ATP2C1: variants seen among roughly 807,000 people sequenced by gnomAD.
The protein encoded by ATP2C1 is ATPase secretory pathway Ca2+ transporting 1, also known as calcium-transporting ATPase type 2C member 1.
In ATP2C1, 31 loss-of-function variants were observed where a neutral mutation model predicts 120.5. That is an observed-to-expected ratio of 0.26 (90% confidence interval 0.19 to 0.35). ATP2C1 has a LOEUF of 0.35. Among genes scored for constraint, ATP2C1 ranks in the 10% least tolerant of loss-of-function variants. ATP2C1 has a pLI of 1.00. For synonymous variants in ATP2C1, 351 were observed against 358.7 expected, an observed-to-expected ratio of 0.98 and a Z score of 0.24; for missense variants, 731 against 1,107.5, an observed-to-expected ratio of 0.66 and a Z score of 4.83.
chr3:130,930,349 A>G (rs1193972786), intron 2 of ATP2C1, 67 bp from the exon 3 acceptor site: 1 of 1,023,156 alleles, frequency 9.8e-7, no homozygotes, highest in Non-Finnish European at 1.5e-6. Flanking sequence ...TTGGATTTTT[A>G]TTATTCTAGA....
downstream of ATP2C1, among the ~76,000 whole-genome samples, chr3:131,006,602 CAAGAAT>C (rs2063121351): frequency 1.3e-5 from 2 of 151,006 alleles, no homozygotes. Flanking sequence ...GAAATGCCAA[CAAGAAT>C]AACCTTTCCA....
intron 18 of ATP2C1, among the ~76,000 whole-genome samples, chr3:130,977,153 G>A (rs1052393520): frequency 4.6e-5 from 7 of 152,118 alleles, no homozygotes; most frequent in African/African-American, 1.7e-4. Context: ...ATTAGGGTTT[G>A]GATTGATAAA....
chr3:130,979,449 G>T, intron 19 of ATP2C1, 30 bp downstream of exon 19: 1 of 1,608,926 alleles, frequency 6.2e-7, no homozygotes, highest in South Asian at 1.1e-5. Flanking sequence ...TTTTGTTTTC[G>T]ATAGTTTTTC....
At chr3:130,923,978 C>A (rs1473003122) in intron 2 of ATP2C1, among the ~76,000 whole-genome samples, 1 of 151,478 alleles carries the variant, frequency 6.6e-6, no homozygotes, top group Non-Finnish European at 1.5e-5. Flanking sequence ...TTAGGTGAGT[C>A]TCTTGATGAC....
chr3:130,906,418 A>G (rs1026655039), intron 2 of ATP2C1, among the ~76,000 whole-genome samples: 2 of 152,118 alleles, frequency 1.3e-5, no homozygotes, highest in African/African-American at 4.8e-5. Flanking sequence ...ATGGATATAC[A>G]CATTTTGTTT....
intron 20 of ATP2C1, among the ~76,000 whole-genome samples, chr3:130,983,948 A>G (rs2061886458): frequency 6.6e-6 from 1 of 152,174 alleles, no homozygotes; most frequent in East Asian, 1.9e-4. Context: ...TTTGGCAATT[A>G]TATATAAAGC....
chr3:130,920,527 C>A, intron 2 of ATP2C1, among the ~76,000 whole-genome samples: 1 of 152,078 alleles, frequency 6.6e-6, no homozygotes, highest in East Asian at 1.9e-4. Flanking sequence ...GTTCTTGTGG[C>A]TCTATATGTC....
intron 1 of ATP2C1, among the ~76,000 whole-genome samples, chr3:130,872,417 T>C (rs1413631188): frequency 6.6e-6 from 1 of 152,192 alleles, no homozygotes; most frequent in Non-Finnish European, 1.5e-5. Flanking sequence ...TGTTGATTTT[T>C]CAATAGATCA....
intron 1 of ATP2C1, among the ~76,000 whole-genome samples, chr3:130,851,780 G>A (rs1173651537): frequency 6.6e-6 from 1 of 152,158 alleles, no homozygotes; most frequent in Non-Finnish European, 1.5e-5. Context: ...CCATACCAAA[G>A]ACCCAGCAGT....
At chr3:131,016,583 C>A (rs1030952674) in exon 27 of ATP2C1, 4 of 525,096 alleles carry the variant, frequency 7.6e-6, no homozygotes, top group African/African-American at 1.9e-5. Flanking sequence ...GAAATAAGAT[C>A]TTTTCCACTG....
chr3:130,997,570 A>T (rs755960257), intron 24 of ATP2C1, 36 bp from the exon 25 acceptor site: 1 of 1,603,742 alleles, frequency 6.2e-7, no homozygotes, highest in Non-Finnish European at 8.5e-7. Flanking sequence ...AGACCTTAAA[A>T]CTTGAAAGTA....
At chr3:130,852,399 A>C (rs2067702862) in intron 1 of ATP2C1, among the ~76,000 whole-genome samples, 1 of 151,638 alleles carries the variant, frequency 6.6e-6, no homozygotes, top group South Asian at 2.1e-4. Context: ...GTGTAGTTCT[A>C]TGGTTCTTTG....
At chr3:131,005,109 CT>C (rs35129703), downstream of ATP2C1, among the ~76,000 whole-genome samples, 5,663 of 92,588 alleles carry the variant, frequency 0.061, 308 homozygotes, top group African/African-American at 0.22. Flanking sequence ...TTTGAATTGT[CT>C]TTTTTTTTTT....
At chr3:130,937,018 A>G (rs868662313) in intron 5 of ATP2C1, among the ~76,000 whole-genome samples, 76 of 151,956 alleles carry the variant, frequency 5.0e-4, no homozygotes, top group African/African-American at 1.7e-3. Flanking sequence ...TTTTCTCACA[A>G]TTTTTTTGGA....
chr3:130,870,838 G>A (rs995907296), intron 1 of ATP2C1, among the ~76,000 whole-genome samples: 2 of 152,162 alleles, frequency 1.3e-5, no homozygotes, highest in African/African-American at 4.8e-5. Flanking sequence ...TTTGAAAGAG[G>A]TTCTACTATG....
exon 27 of ATP2C1, chr3:131,016,370 T>C: frequency 2.5e-6 from 4 of 1,612,302 alleles, no homozygotes; most frequent in Non-Finnish European, 3.4e-6. Context: ...AGGGCAGTAT[T>C]TCTAAAAGCA....
chr3:130,918,413 A>C, intron 2 of ATP2C1: 1 of 1,103,610 alleles, frequency 9.1e-7, no homozygotes, highest in Non-Finnish European at 1.4e-6. Flanking sequence ...TTACCTTCTC[A>C]GCAGCATGTA....
intron 4 of ATP2C1, 77 bp from the exon 5 acceptor site, chr3:130,934,542 GTTT>G: frequency 1.4e-6 from 1 of 729,014 alleles, no homozygotes; most frequent in Non-Finnish European, 2.3e-6. Context: ...TGCTCTTATG[GTTT>G]TTTTTTTTTA....
intron 26 of ATP2C1, chr3:131,015,338 T>C: frequency 1.6e-6 from 1 of 641,700 alleles, no homozygotes; most frequent in South Asian, 1.8e-5. Flanking sequence ...ACACAATCTA[T>C]CTCCTTTTTA....
Sources: gnomAD v4.1 joint callset for allele counts (sites outside exome capture counted in the v4.1 genomes callset) on GRCh38, gnomAD v4.1.1 for gene constraint, MANE v1.5 for transcripts, NCBI Gene and HGNC (gene_info 2026-07-23, HGNC 2026-07-21) for gene names.